Variants in FNBP1 observed in about 807,000 individuals in gnomAD.
FNBP1 encodes the protein formin-binding protein 1.
In FNBP1, 26 loss-of-function variants were observed where a neutral mutation model predicts 90.6. The observed-to-expected ratio is 0.29, with a 90% CI of 0.21 to 0.40. FNBP1 has a LOEUF of 0.40. FNBP1 is among the 10% of genes least tolerant of loss of function. FNBP1 has a pLI of 1.00. For synonymous variants in FNBP1, 260 were observed against 265.2 expected, an observed-to-expected ratio of 0.98 and a Z score of 0.19; for missense variants, 635 against 768.0, an observed-to-expected ratio of 0.83 and a Z score of 2.05.
chr9:130,048,267 G>C, the FNBP1 span, among the ~76,000 whole-genome samples: 1 of 125,998 alleles, frequency 7.9e-6, no homozygotes, highest in Non-Finnish European at 1.6e-5. Flanking sequence ...AGTGAGCCGC[G>C]ATCGCGCCAC....
At chr9:129,943,862 G>A (rs150858715) in intron 6 of FNBP1, among the ~76,000 whole-genome samples, 6 of 151,704 alleles carry the variant, frequency 4.0e-5, no homozygotes, top group East Asian at 2.0e-4. Context: ...GCGTGGTATC[G>A]GGGGCCTGTA....
rs547875870 is a variant in FNBP1 at position 129,974,970 on chromosome 9, G to C, written c.345+3495C>G. 2.0e-5 allele frequency among the ~76,000 whole-genome samples: 3 copies of C among 152,318 alleles called. No individual in the cohort carries two copies. The East Asian group carries it at 5.8e-4, about 29-fold the overall frequency. On this transcript the variant is annotated intron_variant, in intron 4 of 16. Coordinates refer to ENST00000446176, the MANE Select transcript of FNBP1 (RefSeq NM_015033.3). Reference sequence around the variant, plus strand: ...GCAGTGGCTCACGCCTGTAATCCCAGCACTTTGGGAGGTCAAGGCAGGCGG... The same window carrying C: ...GCAGTGGCTCACGCCTGTAATCCCACCACTTTGGGAGGTCAAGGCAGGCGG...
intron 1 of FNBP1, among the ~76,000 whole-genome samples, chr9:130,037,771 T>C (rs492219): frequency 0.92 from 140,119 of 152,208 alleles, 65,006 homozygotes; most frequent in South Asian, 0.98. Context: ...TACCTAAAAT[T>C]ATATATATAT....
At chr9:129,905,590 T>A (rs2037871287) in intron 12 of FNBP1, among the ~76,000 whole-genome samples, 1 of 152,146 alleles carries the variant, frequency 6.6e-6, no homozygotes. Flanking sequence ...ATTCCAGGCA[T>A]GAGCCACCAT....
chr9:129,991,712 T>C (rs910130275), intron 2 of FNBP1, among the ~76,000 whole-genome samples: 3 of 150,302 alleles, frequency 2.0e-5, no homozygotes, highest in Non-Finnish European at 4.4e-5. Context: ...CAGGCTGGAG[T>C]GCAGTGGTGT....
At position 129,924,033 on chromosome 9, in the gene FNBP1, G is replaced by A. The variant is rs1039301929; in HGVS notation, c.988-7C>T. 8 of 1,504,418 alleles carry A rather than the reference G, an allele frequency of 5.3e-6. No individual in the cohort carries two copies. Among genetic ancestry groups the A allele is most frequent in the African/African-American group, 2.9e-5 (2 of 68,822 alleles). The allele number at this position is 1,504,418 out of a possible 1,614,324, so 93.2% of individuals were successfully genotyped here. ...ATGTTAAAAGGGACATAAGCTACAT[G>A]TAAGAGATGGAGCCGTGACAGAGTA... is the stretch of plus-strand genomic sequence containing the variant. On this transcript the variant is annotated splice_polypyrimidine_tract_variant and splice_region_variant and intron_variant, in intron 9 of 16. Coordinates refer to ENST00000446176, the MANE Select transcript of FNBP1 (RefSeq NM_015033.3).
At chr9:130,051,472 A>G in the FNBP1 span, among the ~76,000 whole-genome samples, 13 of 152,246 alleles carry the variant, frequency 8.5e-5, no homozygotes, top group Non-Finnish European at 1.8e-4. Context: ...TAATAGCACT[A>G]GATTCAACAC....
At chr9:130,004,125 C>T (rs10114016) in intron 1 of FNBP1, among the ~76,000 whole-genome samples, 113,806 of 151,334 alleles carry the variant, frequency 0.75, 43,578 homozygotes, top group East Asian at 0.89. Flanking sequence ...CGGCTGGGCG[C>T]GGTGGCTCAC....
At position 130,042,581 on chromosome 9, in the gene FNBP1, C is replaced by T. The variant is rs920718777; in HGVS notation, c.24+371G>A. Among the ~76,000 whole-genome samples, 1 of 151,766 alleles carries T rather than the reference C, an allele frequency of 6.6e-6. No individual in the cohort carries two copies. The highest frequency in any genetic ancestry group is 1.5e-5 in the Non-Finnish European group (1 of 67,910). On this transcript the variant is annotated intron_variant, in intron 1 of 16. Coordinates refer to ENST00000446176, the MANE Select transcript of FNBP1 (RefSeq NM_015033.3). The surrounding 1 kb of genome is among the most constrained non-coding windows in gnomAD (Gnocchi z 5.5). The stretch of plus-strand genomic sequence containing the variant: ...CAACGCAGCGCCGCGCAGCCGGGGC[C>T]TCCACGCCCCCACGCCCGGTCCCGG...
intron 1 of FNBP1, among the ~76,000 whole-genome samples, chr9:130,020,903 A>G (rs910988506): frequency 7.2e-5 from 11 of 152,186 alleles, no homozygotes; most frequent in African/African-American, 2.4e-4. Context: ...TGTGGTACTT[A>G]GACTTAGTGC....
In FNBP1 at chr9:129,960,375, C is replaced by T. The variant is rs576849761; in HGVS notation, c.346-1822G>A. ...CTCCAGCCTGGGTGACAGATCAAGA[C>T]TCCATCTCAAAAAAAAAAAAAAAAA... is the stretch of plus-strand genomic sequence containing the variant. On this transcript the variant is annotated intron_variant, in intron 4 of 16. Coordinates refer to ENST00000446176, the MANE Select transcript of FNBP1 (RefSeq NM_015033.3). Among the ~76,000 whole-genome samples, 97 of 89,994 alleles carry T rather than the reference C, an allele frequency of 1.1e-3. 2 individuals carry two copies. Among genetic ancestry groups the T allele is most frequent in the African/African-American group, 4.4e-3 (96 of 21,810 alleles). The allele number at this position is 89,994 out of a possible 152,430, so 59.0% of individuals were successfully genotyped here.
chr9:129,911,873 G>A (rs1407454491), intron 11 of FNBP1, among the ~76,000 whole-genome samples: 13 of 151,304 alleles, frequency 8.6e-5, no homozygotes, highest in Admixed American at 8.6e-4. Flanking sequence ...CGGAGGTTGT[G>A]GTGAGCCAAG....
intron 1 of FNBP1, among the ~76,000 whole-genome samples, chr9:130,027,230 C>T (rs1040804414): frequency 6.6e-6 from 1 of 152,084 alleles, no homozygotes; most frequent in Admixed American, 6.5e-5. Context: ...GATCATGTGA[C>T]AAGAACCTTA....
rs770530521 is a variant in FNBP1, at chr9:129,923,864, A to G, written c.1150T>C (p.Phe384Leu). ...FMTSKPKIHCFRSLKRGLSLK... is the reference protein window; with the variant it reads ...FMTSKPKIHCLRSLKRGLSLK... Reference sequence around the variant, plus strand: ...CTTACCCCACGCTTTAGGCTCCTGAAGCAGTGGATTTTGGGTTTGGAGGTC... The same window carrying G: ...CTTACCCCACGCTTTAGGCTCCTGAGGCAGTGGATTTTGGGTTTGGAGGTC... The change falls in exon 10 of 17, where the codon TTC (phenylalanine) becomes CTC (leucine). Residue 384 changes from phenylalanine to leucine, a missense_variant. By Grantham distance (22) the Phe-to-Leu change is conservative. Coordinates refer to ENST00000446176, the MANE Select transcript of FNBP1 (RefSeq NM_015033.3). 9.4e-6 allele frequency: 15 copies of G among 1,600,592 alleles called. No individual in the cohort carries two copies. The East Asian group carries it at 3.4e-4, about 36-fold the overall frequency.
At chr9:129,984,058 T>C (rs1406643740) in intron 2 of FNBP1, among the ~76,000 whole-genome samples, 5 of 152,080 alleles carry the variant, frequency 3.3e-5, no homozygotes, top group Admixed American at 2.6e-4. Context: ...GCTTTAAAAA[T>C]GACTTACTCG....
intron 1 of FNBP1, among the ~76,000 whole-genome samples, chr9:130,014,974 T>TAA (rs1241840087): frequency 2.9e-5 from 4 of 139,060 alleles, no homozygotes; most frequent in African/African-American, 7.9e-5. Context: ...AAAAACTTCT[T>TAA]AAAAAAAAAA....
At chr9:130,047,780 T>C (rs112719003), upstream of FNBP1, among the ~76,000 whole-genome samples, 1,530 of 152,272 alleles carry the variant, frequency 0.01, 26 homozygotes, top group African/African-American at 0.033. Flanking sequence ...TAGATGGCTG[T>C]GTGGTTAGAG....
intron 6 of FNBP1, among the ~76,000 whole-genome samples, chr9:129,951,418 C>CTATA (rs1554809958): frequency 4.2e-5 from 6 of 143,528 alleles, no homozygotes; most frequent in African/African-American, 1.6e-4. Context: ...TATATAATTT[C>CTATA]TATTTATTTA....
intron 4 of FNBP1, among the ~76,000 whole-genome samples, chr9:129,959,358 A>AGGC: frequency 4.6e-5 from 7 of 152,216 alleles, no homozygotes; most frequent in African/African-American, 1.7e-4. Flanking sequence ...TGGGAGGCTG[A>AGGC]AGTGGGTGGA....
Sources: gnomAD v4.1 joint callset for allele counts (sites outside exome capture counted in the v4.1 genomes callset) on GRCh38, gnomAD v4.1.1 for gene constraint, Gnocchi (gnomAD v3.1) non-coding constraint, MANE v1.5 for transcripts, NCBI Gene and HGNC (gene_info 2026-07-23, HGNC 2026-07-21) for gene names.